CDH12: variants seen among roughly 807,000 people sequenced by gnomAD.
The protein encoded by CDH12 is cadherin-12.
A neutral mutation model predicts 74.1 loss-of-function variants in CDH12; 41 were observed. That is an observed-to-expected ratio of 0.55 (90% CI 0.43 to 0.72). CDH12 has a LOEUF of 0.72. Ranked by LOEUF, CDH12 falls within the 30% of genes least tolerant of loss-of-function variation. CDH12 has a pLI of 0.00. For synonymous variants in CDH12, 399 were observed against 355.0 expected (o/e 1.12, Z -1.39); for missense variants, 945 against 977.2 (o/e 0.97, Z 0.44).
chr5:22,465,922 G>C (rs1745710322), intron 2 of CDH12, among the ~76,000 whole-genome samples: 1 of 152,082 alleles, frequency 6.6e-6, no homozygotes, highest in African/African-American at 2.4e-5. Context: ...CTTTCCATGA[G>C]GCAAAGCAGA....
chr5:22,460,713 A>ATTTTTTTTTTTTTTTGTTTTTT (rs1745467498), intron 2 of CDH12, among the ~76,000 whole-genome samples: 1 of 85,622 alleles, frequency 1.2e-5, no homozygotes, highest in Non-Finnish European at 2.1e-5. Flanking sequence ...ATATCTAGCA[A>ATTTTTTTTTTTTTTTGTTTTTT]TTTTTTTTTT....
At chr5:21,804,117 A>G (rs1322912091) in intron 9 of CDH12, among the ~76,000 whole-genome samples, 2 of 152,114 alleles carry the variant, frequency 1.3e-5, no homozygotes, top group Non-Finnish European at 2.9e-5. Context: ...TTACTTTTCT[A>G]TATTTTAATT....
intron 3 of CDH12, among the ~76,000 whole-genome samples, chr5:22,304,697 A>G (rs906862872): frequency 1.3e-5 from 2 of 152,214 alleles, no homozygotes; most frequent in African/African-American, 4.8e-5. Context: ...GGCATCAATT[A>G]TAACCTGAGG....
In CDH12 at chr5:21,854,748, G is replaced by A. The variant is rs776551575; in HGVS notation, c.569C>T (p.Pro190Leu). The A allele has an allele frequency of 9.9e-6, 16 of 1,608,348 alleles. No homozygotes were observed. The highest frequency in any genetic ancestry group is 5.5e-5 in the South Asian group (5 of 90,758). The change falls in exon 7 of 15, where the codon CCG becomes CTG. Residue 190 changes from proline (P) to leucine (L), a missense_variant. Coordinates refer to ENST00000382254, the MANE Select transcript of CDH12 (RefSeq NM_004061.5). ...LQVKATDADD[P>L]TYGNSARVVY... ...GACTCTGGCACTGTTTCCATAGGTC[G>A]GGTCATCTGCATCTGTGGCCTTGAC...
At chr5:22,286,838 T>A (rs983442729) in intron 3 of CDH12, among the ~76,000 whole-genome samples, 3 of 152,198 alleles carry the variant, frequency 2.0e-5, no homozygotes, top group African/African-American at 7.2e-5. Context: ...AAATCATTGT[T>A]TATATATGTG....
chr5:22,128,022 T>TTGTGA (rs2150283755), intron 4 of CDH12, among the ~76,000 whole-genome samples: 1 of 152,042 alleles, frequency 6.6e-6, no homozygotes, highest in African/African-American at 2.4e-5. Flanking sequence ...AAGCTATAGG[T>TTGTGA]TGTGACCTAC....
chr5:22,600,685 A>C (rs541650989), intron 1 of CDH12, among the ~76,000 whole-genome samples: 2 of 151,774 alleles, frequency 1.3e-5, no homozygotes, highest in African/African-American at 2.4e-5. Context: ...ATAATGCCAG[A>C]TTTTTCCTTT....
rs1305042102 is a variant in CDH12 at position 22,220,989 on chromosome 5, A to AAC, written c.-332-8347_-332-8346insGT. On this transcript the variant is annotated intron_variant, in intron 3 of 14. Coordinates refer to ENST00000382254, the MANE Select transcript of CDH12 (RefSeq NM_004061.5). ...TGGCTCTGAGAAGATACCTTCATCA[A>AAC]ATACACACACACACACACAGACACA... Among the ~76,000 whole-genome samples, 51 of 147,412 alleles carry AAC rather than the reference A, an allele frequency of 3.5e-4. 1 individual carries two copies. Among genetic ancestry groups the AAC allele is most frequent in the Admixed American group, 3.2e-3 (48 of 14,778 alleles).
chr5:22,841,292 A>T (rs1033385159), intron 1 of CDH12, among the ~76,000 whole-genome samples: 2 of 152,278 alleles, frequency 1.3e-5, no homozygotes, highest in Non-Finnish European at 2.9e-5. Flanking sequence ...AATGTGAGTG[A>T]AATAGAGGAC....
intron 1 of CDH12, among the ~76,000 whole-genome samples, chr5:22,765,069 A>C (rs1487192854): frequency 3.9e-5 from 6 of 151,976 alleles, no homozygotes; most frequent in African/African-American, 1.4e-4. Flanking sequence ...CATGTCAATC[A>C]AAACTTGAAT....
intron 1 of CDH12, among the ~76,000 whole-genome samples, chr5:22,716,955 G>A (rs973220145): frequency 3.9e-5 from 6 of 152,130 alleles, no homozygotes; most frequent in Non-Finnish European, 8.8e-5. Flanking sequence ...TTGTATAGCT[G>A]TACAATGTGT....
At chr5:22,060,165 G>A (rs905445140) in intron 5 of CDH12, among the ~76,000 whole-genome samples, 1 of 152,084 alleles carries the variant, frequency 6.6e-6, no homozygotes, top group Admixed American at 6.6e-5. Context: ...CATGTCCTTT[G>A]CAGGGACATG....
At chr5:21,793,766 G>A (rs1028092393) in intron 10 of CDH12, among the ~76,000 whole-genome samples, 7 of 151,300 alleles carry the variant, frequency 4.6e-5, no homozygotes, top group Non-Finnish European at 7.4e-5. Flanking sequence ...GCTAATTTGC[G>A]CTCTGAAAGT....
At chr5:21,905,349 C>T (rs1308034819) in intron 6 of CDH12, among the ~76,000 whole-genome samples, 1 of 152,168 alleles carries the variant, frequency 6.6e-6, no homozygotes, top group Non-Finnish European at 1.5e-5. Context: ...TGTGACGATA[C>T]CTTAATTTTA....
chr5:22,559,311 C>T (rs556037438), intron 1 of CDH12, among the ~76,000 whole-genome samples: 2 of 152,080 alleles, frequency 1.3e-5, no homozygotes, highest in African/African-American at 2.4e-5. Context: ...TCCCTGTACA[C>T]TTAAAATGGG....
At chr5:21,885,844 T>G (rs1341088770) in intron 6 of CDH12, among the ~76,000 whole-genome samples, 1 of 152,182 alleles carries the variant, frequency 6.6e-6, no homozygotes, top group Non-Finnish European at 1.5e-5. Flanking sequence ...CAGTTCTCCA[T>G]GCACCTTCTT....
intron 1 of CDH12, among the ~76,000 whole-genome samples, chr5:22,636,906 A>G (rs1738870635): frequency 6.6e-6 from 1 of 152,224 alleles, no homozygotes; most frequent in African/African-American, 2.4e-5. Context: ...GACAAGTTGT[A>G]TACAGGGGAA....
chr5:22,127,790 T>C (rs1745969745), intron 4 of CDH12, among the ~76,000 whole-genome samples: 3 of 152,188 alleles, frequency 2.0e-5, no homozygotes, highest in Admixed American at 2.0e-4. Context: ...CATCATCCCA[T>C]AGCCTAAGGC....
chr5:22,696,782 C>G (rs907748635), intron 1 of CDH12, among the ~76,000 whole-genome samples: 30 of 152,098 alleles, frequency 2.0e-4, no homozygotes, highest in African/African-American at 5.8e-4. Context: ...TATGTCATCT[C>G]AGTGTTTTTA....
Sources: gnomAD v4.1 joint callset for allele counts (sites outside exome capture counted in the v4.1 genomes callset) on GRCh38, gnomAD v4.1.1 for gene constraint, MANE v1.5 for transcripts, NCBI Gene and HGNC (gene_info 2026-07-23, HGNC 2026-07-21) for gene names.